Variants in AKR1C8 observed in about 807,000 individuals in gnomAD.
AKR1C8 encodes the protein aldo-keto reductase family 1 member C8, also known as aldo-keto reductase family 1 member C-like protein 1.
chr10:5,151,565 T>A, the AKR1C8 span, among the ~76,000 whole-genome samples: 1 of 150,782 alleles, frequency 6.6e-6, no homozygotes, highest in African/African-American at 2.4e-5. Context: ...GGGTTTTTTT[T>A]TTTTTTTTTG....
At chr10:5,167,359 C>T in the AKR1C8 span, among the ~76,000 whole-genome samples, 5 of 152,152 alleles carry the variant, frequency 3.3e-5, no homozygotes, top group Admixed American at 6.5e-5. Flanking sequence ...GCACTATTCA[C>T]AATAGCAAAG....
the AKR1C8 span, among the ~76,000 whole-genome samples, chr10:5,177,426 T>C: frequency 6.6e-6 from 1 of 152,150 alleles, no homozygotes; most frequent in East Asian, 1.9e-4. Flanking sequence ...TCAAGGATAT[T>C]GGTCTAAAAT....
At chr10:5,133,391 C>T in the AKR1C8 span, among the ~76,000 whole-genome samples, 1 of 152,110 alleles carries the variant, frequency 6.6e-6, no homozygotes, top group Non-Finnish European at 1.5e-5. Context: ...CTGCAGGAAG[C>T]CTCCTAATTA....
chr10:5,128,421 T>C, the AKR1C8 span, among the ~76,000 whole-genome samples: 5 of 151,806 alleles, frequency 3.3e-5, no homozygotes, highest in African/African-American at 9.7e-5. Context: ...TGAAAAGAAC[T>C]GTACCTCACA....
At chr10:5,181,468 G>A in the AKR1C8 span, among the ~76,000 whole-genome samples, 3 of 151,842 alleles carry the variant, frequency 2.0e-5, no homozygotes, top group East Asian at 3.9e-4. Flanking sequence ...TAACATATTC[G>A]ACAGGCTTCC....
chr10:5,118,264 C>A, the AKR1C8 span, among the ~76,000 whole-genome samples: 2 of 152,154 alleles, frequency 1.3e-5, no homozygotes, highest in African/African-American at 4.8e-5. Flanking sequence ...AAACAGGACT[C>A]ATGGAAATCA....
chr10:5,169,338 C>CT, the AKR1C8 span, among the ~76,000 whole-genome samples: 1 of 152,088 alleles, frequency 6.6e-6, no homozygotes, highest in African/African-American at 2.4e-5. Context: ...CTACTTCCTG[C>CT]TGGGGGGCGG....
the AKR1C8 span, among the ~76,000 whole-genome samples, chr10:5,179,483 C>T: frequency 2.0e-5 from 3 of 151,982 alleles, no homozygotes; most frequent in African/African-American, 7.3e-5. Context: ...CAAGGAGTAC[C>T]TTTGTGGCAT....
At chr10:5,184,551 G>C in the AKR1C8 span, among the ~76,000 whole-genome samples, 1 of 152,062 alleles carries the variant, frequency 6.6e-6, no homozygotes, top group Non-Finnish European at 1.5e-5. Context: ...ATTCCTCCTG[G>C]GTCCTTGGCC....
At chr10:5,128,155 C>A in the AKR1C8 span, among the ~76,000 whole-genome samples, 3 of 152,028 alleles carry the variant, frequency 2.0e-5, no homozygotes, top group Admixed American at 2.0e-4. Flanking sequence ...TAACTGTCAG[C>A]CAGAAATTTT....
At chr10:5,180,462 C>G in the AKR1C8 span, among the ~76,000 whole-genome samples, 6 of 152,242 alleles carry the variant, frequency 3.9e-5, no homozygotes, top group East Asian at 9.6e-4. Flanking sequence ...TGCCTGTTCT[C>G]AGAGCTCCAG....
the AKR1C8 span, among the ~76,000 whole-genome samples, chr10:5,127,526 C>T: frequency 6.6e-6 from 1 of 151,904 alleles, no homozygotes; most frequent in African/African-American, 2.4e-5. Context: ...CAAGATCAGC[C>T]TGGCCAACAT....
the AKR1C8 span, among the ~76,000 whole-genome samples, chr10:5,122,452 G>A: frequency 6.6e-6 from 1 of 152,082 alleles, no homozygotes; most frequent in African/African-American, 2.4e-5. Context: ...GAAATCACTT[G>A]TTTTAAAATG....
chr10:5,145,567 C>A, the AKR1C8 span, among the ~76,000 whole-genome samples: 2 of 152,176 alleles, frequency 1.3e-5, no homozygotes, highest in Non-Finnish European at 2.9e-5. Context: ...CAAAAGAAGA[C>A]ATTTATGCAG....
the AKR1C8 span, among the ~76,000 whole-genome samples, chr10:5,166,572 A>C: frequency 6.6e-6 from 1 of 152,246 alleles, no homozygotes; most frequent in East Asian, 1.9e-4. Context: ...TGCTGGGAAA[A>C]GTGGCTAGCC....
the AKR1C8 span, among the ~76,000 whole-genome samples, chr10:5,134,010 T>C: frequency 6.6e-6 from 1 of 152,358 alleles, no homozygotes; most frequent in East Asian, 1.9e-4. Flanking sequence ...ATTATTGATT[T>C]ATCTACCAAA....
At chr10:5,159,170 T>A in the AKR1C8 span, among the ~76,000 whole-genome samples, 2 of 152,020 alleles carry the variant, frequency 1.3e-5, no homozygotes, top group African/African-American at 4.8e-5. Flanking sequence ...AACTTGAGCA[T>A]CAAAAAAATA....
the AKR1C8 span, among the ~76,000 whole-genome samples, chr10:5,141,539 C>T: frequency 6.6e-6 from 1 of 152,098 alleles, no homozygotes; most frequent in Non-Finnish European, 1.5e-5. Context: ...GCAGCTGTAA[C>T]TGATTGAAAT....
the AKR1C8 span, chr10:5,158,499 G>C: frequency 8.6e-5 from 34 of 394,564 alleles, no homozygotes; most frequent in African/African-American, 6.8e-4. Context: ...TTTAATCTTT[G>C]AGCTTTTTTA....
Sources: gnomAD v4.1 joint callset for allele counts (sites outside exome capture counted in the v4.1 genomes callset) on GRCh38, gnomAD v4.1.1 for gene constraint, MANE v1.5 for transcripts, NCBI Gene and HGNC (gene_info 2026-07-23, HGNC 2026-07-21) for gene names.